Variants in SEMA3C observed in about 807,000 individuals in gnomAD.
The protein encoded by SEMA3C is semaphorin-3C.
In SEMA3C, 47 loss-of-function variants were observed where a neutral mutation model predicts 89.4. The ratio of observed to expected loss-of-function variants is 0.53; its 90% CI spans 0.42 to 0.67. SEMA3C has a LOEUF of 0.67. Among genes scored for constraint, SEMA3C ranks in the 30% least tolerant of loss-of-function variants. The pLI is 0.00. For missense variants in SEMA3C, 839 were observed against 929.1 expected (o/e 0.90, Z 1.26); for synonymous variants, 310 against 320.2 (o/e 0.97, Z 0.34).
In SEMA3C at chr7:80,875,924, G is replaced by A. The variant is rs78373720; in HGVS notation, c.103+40755C>T. On this transcript the variant is annotated intron_variant, in intron 2 of 17. Transcript: ENST00000265361. ...CTACAGTAAGAACACATCTTCTATC[G>A]GTGAAACTGGGAAGGAAGTTAAAAA... Among the ~76,000 whole-genome samples, 1,150 of 151,982 alleles carry A rather than the reference G, an allele frequency of 7.6e-3. 56 individuals carry two copies. In the East Asian group the frequency reaches 0.13, roughly 17 times the overall value.
At chr7:80,830,395 GTTA>G (rs1051848613) in intron 2 of SEMA3C, among the ~76,000 whole-genome samples, 1 of 152,080 alleles carries the variant, frequency 6.6e-6, no homozygotes, top group Non-Finnish European at 1.5e-5. Flanking sequence ...TCTAATTACT[GTTA>G]TTAAGTTTGG....
At chr7:80,779,349 A>T (rs535152283) in intron 12 of SEMA3C, among the ~76,000 whole-genome samples, 1 of 152,314 alleles carries the variant, frequency 6.6e-6, no homozygotes, top group Admixed American at 6.5e-5. Flanking sequence ...TTTTAAAAAA[A>T]AGGAATTCAT....
chr7:80,790,547 TC>T (rs1024120251), intron 11 of SEMA3C, among the ~76,000 whole-genome samples: 2 of 152,110 alleles, frequency 1.3e-5, no homozygotes, highest in Admixed American at 1.3e-4. Context: ...GTCTTGCTGC[TC>T]CTGAGCCTCA....
intron 8 of SEMA3C, 21 bp from the exon 9 acceptor site, chr7:80,802,800 T>C: frequency 6.5e-7 from 1 of 1,546,838 alleles, no homozygotes; most frequent in Non-Finnish European, 8.9e-7. Flanking sequence ...TTTGTAAACA[T>C]AATTCAGATT....
chr7:80,834,972 T>C lies in SEMA3C; in HGVS notation c.104-6227A>G, dbSNP rs117091802. ...TTTTTTTCTGAATATTTCTCATCAG[T>C]GGTTGGCTGAATCCATGGATGTGAT... is the stretch of plus-strand genomic sequence containing the variant. On this transcript the variant is annotated intron_variant, in intron 2 of 17. Coordinates refer to ENST00000265361, the MANE Select transcript of SEMA3C (RefSeq NM_006379.5). Among the ~76,000 whole-genome samples the C allele has an allele frequency of 5.6e-4, 85 of 152,292 alleles. No homozygotes were observed. The East Asian group carries it at 0.013, about 24-fold the overall frequency.
intron 2 of SEMA3C, among the ~76,000 whole-genome samples, chr7:80,859,184 C>T (rs1790714782): frequency 6.6e-6 from 1 of 151,716 alleles, no homozygotes; most frequent in African/African-American, 2.4e-5. Context: ...TGTGTAGGTG[C>T]AAAGAAGCAT....
intron 2 of SEMA3C, among the ~76,000 whole-genome samples, chr7:80,863,962 A>G (rs770630424): frequency 7.0e-6 from 1 of 142,448 alleles, no homozygotes; most frequent in Admixed American, 7.0e-5. Flanking sequence ...TCACATGTAT[A>G]TCACATATAT....
At chr7:80,917,018 G>A (rs1050938304) in intron 1 of SEMA3C, among the ~76,000 whole-genome samples, 199 bp from the exon 2 acceptor site, 7 of 152,106 alleles carry the variant, frequency 4.6e-5, no homozygotes, top group African/African-American at 1.7e-4. Flanking sequence ...GGAAGTCTTT[G>A]CAACAAGAGA....
upstream of SEMA3C, among the ~76,000 whole-genome samples, chr7:80,920,993 C>A (rs185229126): frequency 0.028 from 4,270 of 152,266 alleles, 90 homozygotes; most frequent in Non-Finnish European, 0.044. Context: ...AATTGATCAG[C>A]AAATTCACGT....
chr7:80,799,193 G>T lies in SEMA3C; in HGVS notation c.987-957C>A, dbSNP rs1054815314. Among the ~76,000 whole-genome samples the T allele has an allele frequency of 2.6e-5, 4 of 151,886 alleles. No homozygotes were observed. In the South Asian group the frequency reaches 8.3e-4, roughly 32 times the overall value. ...AAGACATCTTTTTAGACATCTTGTGGGGCAACTGCAAATATTTAAAAACAA... is the reference window on the plus strand; with the variant it reads ...AAGACATCTTTTTAGACATCTTGTGTGGCAACTGCAAATATTTAAAAACAA... On this transcript the variant is annotated intron_variant, in intron 10 of 17. Transcript: ENST00000265361.
intron 11 of SEMA3C, among the ~76,000 whole-genome samples, chr7:80,792,110 T>C (rs1316998567): frequency 6.6e-6 from 1 of 152,128 alleles, no homozygotes; most frequent in African/African-American, 2.4e-5. Context: ...TCATCTGGAG[T>C]TCATATGTTT....
chr7:80,750,471 T>TACACACACACACAC (rs1450069681), intron 16 of SEMA3C, among the ~76,000 whole-genome samples: 7 of 52,402 alleles, frequency 1.3e-4, no homozygotes, highest in Admixed American at 2.1e-4. Context: ...TATATATATA[T>TACACACACACACAC]ATACACACAC....
chr7:80,826,078 A>G (rs1462458876), intron 4 of SEMA3C, among the ~76,000 whole-genome samples: 4 of 152,140 alleles, frequency 2.6e-5, no homozygotes, highest in Admixed American at 6.6e-5. Flanking sequence ...AAGGCCAGAG[A>G]TCCTACCCTC....
At chr7:80,917,123 CG>C (rs1468420458) in intron 1 of SEMA3C, among the ~76,000 whole-genome samples, 1 of 152,304 alleles carries the variant, frequency 6.6e-6, no homozygotes, top group East Asian at 1.9e-4. Flanking sequence ...AATATTTTAA[CG>C]GATCTTCTCT....
intron 2 of SEMA3C, among the ~76,000 whole-genome samples, chr7:80,891,769 G>A (rs115348890): frequency 0.011 from 1,740 of 152,028 alleles, 29 homozygotes; most frequent in African/African-American, 0.039. Context: ...TAGTGATTTC[G>A]TTCTCTTAAC....
intron 4 of SEMA3C, among the ~76,000 whole-genome samples, chr7:80,827,201 T>C (rs1169638226): frequency 6.6e-6 from 1 of 151,954 alleles, no homozygotes; most frequent in Non-Finnish European, 1.5e-5. Context: ...CTGAATGAAA[T>C]AATGAAAGCA....
chr7:80,858,411 G>C (rs541179015), intron 2 of SEMA3C, among the ~76,000 whole-genome samples: 2 of 152,200 alleles, frequency 1.3e-5, no homozygotes, highest in South Asian at 4.2e-4. Flanking sequence ...AAAATGTTTA[G>C]TTATACAGAT....
chr7:80,830,945 T>C (rs10264814), intron 2 of SEMA3C, among the ~76,000 whole-genome samples: 137,232 of 152,224 alleles, frequency 0.9, 61,935 homozygotes, highest in East Asian at 1. Flanking sequence ...GGAGAGAATA[T>C]AGAATCAAAG....
chr7:80,798,360 C>T (rs1306590047), intron 10 of SEMA3C, 124 bp from the exon 11 acceptor site: 15 of 841,010 alleles, frequency 1.8e-5, no homozygotes, highest in African/African-American at 7.2e-5. Context: ...TAAATGTTAT[C>T]GAACACATGT....
Sources: allele counts gnomAD v4.1 joint callset (sites outside exome capture counted in the v4.1 genomes callset), GRCh38; gene constraint gnomAD v4.1.1; transcripts MANE v1.5; gene names NCBI Gene and HGNC (gene_info 2026-07-23, HGNC 2026-07-21).